Variants in NFAT5 observed in about 807,000 individuals in gnomAD.
NFAT5 encodes nuclear factor of activated T-cells 5.
In NFAT5, 31 loss-of-function variants were observed where a neutral mutation model predicts 166.5. That is an observed-to-expected ratio of 0.19 (90% CI 0.14 to 0.25). NFAT5 has a LOEUF of 0.25. Among genes scored for constraint, NFAT5 ranks in the 10% least tolerant of loss-of-function variants. The pLI is 1.00. For missense variants in NFAT5, 1,449 were observed against 1,821.8 expected (o/e 0.80, Z 3.72); for synonymous variants, 612 against 639.7 (o/e 0.96, Z 0.65).
At chr16:69,664,205 A>T (rs993726106) in intron 7 of NFAT5, among the ~76,000 whole-genome samples, 2 of 152,228 alleles carry the variant, frequency 1.3e-5, no homozygotes, top group African/African-American at 4.8e-5. Context: ...ACATTATTAC[A>T]AAGCTTTATT....
At position 69,693,084 on chromosome 16, in the gene NFAT5, G is replaced by T. The variant is rs1303798077; in HGVS notation, c.3259G>T (p.Ala1087Ser). Reference protein sequence around the residue: ...NFLQQSSHSQAQLFHPQNPIA... With the variant: ...NFLQQSSHSQSQLFHPQNPIA... ...TTTGCAGCAGTCTTCTCATTCACAG[G>T]CCCAACTTTTTCATCCTCAAAATCC... The change falls in exon 13 of 15, where the codon GCC becomes TCC. Residue 1087 changes from alanine to serine, a missense_variant. By Grantham distance (99) the Ala-to-Ser change is moderately conservative. Around this residue, in one of 7 missense-constraint regions of NFAT5, gnomAD observed 891 missense variants for 993.0 expected, o/e 0.90. Coordinates refer to ENST00000349945, the MANE Select transcript of NFAT5 (RefSeq NM_138713.4). 7 of 1,613,968 alleles carry T rather than the reference G, an allele frequency of 4.3e-6. No individual in the cohort carries two copies. The highest frequency in any genetic ancestry group is 5.9e-6 in the Non-Finnish European group (7 of 1,180,018).
Position 69,702,802 on chromosome 16 carries a change from C to G in NFAT5, c.*6451C>G, listed in dbSNP as rs1319578879. ...TGTTCTTCATGTAAATTCAGCTTAA[C>G]CTGGTTATCTATAATCTTTTATTGG... On this transcript the variant is annotated 3_prime_UTR_variant, in exon 15 of 15. Transcript: ENST00000349945. 1 of 152,600 alleles carries G rather than the reference C, an allele frequency of 6.6e-6. No individual in the cohort carries two copies. The highest frequency in any genetic ancestry group is 2.4e-5 in the African/African-American group (1 of 41,438). The allele number at this position is 152,600 out of a possible 1,614,324, so 9.5% of individuals were successfully genotyped here.
chr16:69,670,236 A>T lies in NFAT5; in HGVS notation c.1505A>T (p.Asp502Val). ...ATAAATCACTTTTTATTTCAATCAGATGAAAACTCTTGGAAGTCAGAAGCT... is the reference window on the plus strand; with the variant it reads ...ATAAATCACTTTTTATTTCAATCAGTTGAAAACTCTTGGAAGTCAGAAGCT... ...TKVIFQENVS[D>V]ENSWKSEAEI... Residue 502 changes from aspartate (D) to valine (V), a missense_variant and splice_region_variant, in exon 9 of 15, where the codon GAT becomes GTT. Asp to Val is a radical substitution (Grantham distance 152). Transcript: ENST00000349945. 1.3e-6 allele frequency: 2 copies of T among 1,589,786 alleles called. No individual in the cohort carries two copies. Among genetic ancestry groups the T allele is most frequent in the Non-Finnish European group, 1.7e-6 (2 of 1,168,858 alleles).
chr16:69,691,151 A>G, intron 12 of NFAT5, 63 bp downstream of exon 12: 4 of 1,364,786 alleles, frequency 2.9e-6, no homozygotes, highest in Non-Finnish European at 3.9e-6. Flanking sequence ...TACTTTTCCT[A>G]TTTTTTTAAC....
At chr16:69,617,372 G>C (rs535761381) in intron 2 of NFAT5, among the ~76,000 whole-genome samples, 68 of 152,218 alleles carry the variant, frequency 4.5e-4, no homozygotes, top group African/African-American at 1.5e-3. Flanking sequence ...TTCTAGGATA[G>C]ACTCAAGAAA....
chr16:69,638,747 A>AG (rs1304760874), intron 3 of NFAT5, among the ~76,000 whole-genome samples: 1 of 151,956 alleles, frequency 6.6e-6, no homozygotes, highest in African/African-American at 2.4e-5. Flanking sequence ...AAAAAAAAAA[A>AG]AAAAAAAGTA....
At chr16:69,691,724 A>G (rs1158847494) in intron 12 of NFAT5, 25 bp from the exon 13 acceptor site, 1 of 1,557,562 alleles carries the variant, frequency 6.4e-7, no homozygotes, top group East Asian at 2.2e-5. Context: ...TATATTCATA[A>G]TATTTGGGGA....
intron 2 of NFAT5, among the ~76,000 whole-genome samples, chr16:69,579,172 C>T (rs1597345310): frequency 6.6e-6 from 1 of 152,200 alleles, no homozygotes; most frequent in East Asian, 1.9e-4. Flanking sequence ...CTGCGCCTGG[C>T]CATAAGTTTT....
At chr16:69,608,620 C>T (rs909763441) in intron 2 of NFAT5, among the ~76,000 whole-genome samples, 1 of 150,066 alleles carries the variant, frequency 6.7e-6, no homozygotes, top group African/African-American at 2.5e-5. Context: ...AAATTATCTA[C>T]CACCATGTGA....
intron 3 of NFAT5, among the ~76,000 whole-genome samples, chr16:69,631,154 C>T (rs980181808): frequency 2.6e-5 from 4 of 152,120 alleles, no homozygotes; most frequent in Admixed American, 6.5e-5. Flanking sequence ...TAAACTAGGC[C>T]GGGTACACTG....
Position 69,678,794 on chromosome 16 carries a change from C to T in NFAT5, c.1690+1459C>T, listed in dbSNP as rs187972035. ...ATGTTATTTCCATATAGTTCAAGAT[C>T]CAGTGAGGTAGAAGGTAAAGAATGG... On this transcript the variant is annotated intron_variant, in intron 10 of 14. Transcript: ENST00000349945. Among the ~76,000 whole-genome samples, 121 of 152,224 alleles carry T rather than the reference C, an allele frequency of 7.9e-4. 1 individual carries two copies. The highest frequency in any genetic ancestry group is 2.7e-3 in the African/African-American group (112 of 41,534).
At chr16:69,670,161 A>C in intron 8 of NFAT5, 50 bp downstream of exon 8, 5 of 1,593,520 alleles carry the variant, frequency 3.1e-6, no homozygotes, top group Non-Finnish European at 4.3e-6. Context: ...TCACTTTGTT[A>C]TATGGATATA....
At chr16:69,649,024 G>A (rs924488128) in intron 4 of NFAT5, 1 of 926,712 alleles carries the variant, frequency 1.1e-6, no homozygotes, top group Middle Eastern at 5.5e-4. Flanking sequence ...GTTTTAGAAA[G>A]TCCAGTTTAG....
In NFAT5 at chr16:69,648,523, GGT is replaced by G. The variant is rs1045393830; in HGVS notation, c.812+938_812+939del. On this transcript the variant is annotated intron_variant, in intron 4 of 14. Coordinates refer to ENST00000349945, the MANE Select transcript of NFAT5 (RefSeq NM_138713.4). ...TTAGAGGGTGATGAAACAGGATCATGGTACATGTTTGAGTTTTCTTTCATCTC... is the reference window on the plus strand; with the variant it reads ...TTAGAGGGTGATGAAACAGGATCATGACATGTTTGAGTTTTCTTTCATCTC... 5.1e-6 allele frequency: 5 copies of G among 984,572 alleles called. No homozygotes were observed. In the African/African-American group the frequency reaches 8.8e-5, roughly 17 times the overall value. The allele number at this position is 984,572 out of a possible 1,614,324, so 61.0% of individuals were successfully genotyped here. A position where few individuals can be genotyped will look rare whatever the true frequency, so the allele number is the denominator to read the frequency against.
chr16:69,581,279 T>G (rs1048362206), intron 2 of NFAT5, among the ~76,000 whole-genome samples: 4 of 152,216 alleles, frequency 2.6e-5, no homozygotes, highest in Non-Finnish European at 5.9e-5. Context: ...CGAGTTCCTT[T>G]TTATTGCAGA....
intron 10 of NFAT5, among the ~76,000 whole-genome samples, chr16:69,678,990 G>T (rs1055454550): frequency 2.0e-5 from 3 of 152,078 alleles, no homozygotes; most frequent in African/African-American, 4.8e-5. Context: ...CTGGGGTGCA[G>T]TAGCGTGATC....
At chr16:69,672,076 G>A (rs1426940512) in intron 9 of NFAT5, among the ~76,000 whole-genome samples, 1 of 152,240 alleles carries the variant, frequency 6.6e-6, no homozygotes, top group African/African-American at 2.4e-5. Flanking sequence ...CTAGCAGCCA[G>A]AGGTAAAGAC....
At chr16:69,616,793 A>G (rs2033965827) in intron 2 of NFAT5, among the ~76,000 whole-genome samples, 1 of 151,138 alleles carries the variant, frequency 6.6e-6, no homozygotes, top group Non-Finnish European at 1.5e-5. Context: ...CCACTCATTT[A>G]TGTCCTCCTC....
Position 69,692,503 on chromosome 16 carries a change from C to A in NFAT5, c.2678C>A (p.Thr893Lys), listed in dbSNP as rs149255851. The A allele has an allele frequency of 7.4e-5, 119 of 1,614,026 alleles. No individual in the cohort carries two copies. Among genetic ancestry groups the A allele is most frequent in the Non-Finnish European group, 1.0e-4 (118 of 1,180,048 alleles). ...AESVHPQSENTLSNQQQQQQQ... is the reference protein window; with the variant it reads ...AESVHPQSENKLSNQQQQQQQ... ...AGTGTTCATCCACAGTCTGAAAACACGTTATCTAATCAACAGCAGCAGCAG... is the reference window on the plus strand; with the variant it reads ...AGTGTTCATCCACAGTCTGAAAACAAGTTATCTAATCAACAGCAGCAGCAG... Residue 893 changes from threonine (T) to lysine (K), a missense_variant, in exon 13 of 15, where the codon ACG becomes AAG. Transcript: ENST00000349945.
Sources: allele counts gnomAD v4.1 joint callset (sites outside exome capture counted in the v4.1 genomes callset), GRCh38; gene constraint gnomAD v4.1.1; regional missense constraint gnomAD v4.1.1; transcripts MANE v1.5; gene names NCBI Gene and HGNC (gene_info 2026-07-23, HGNC 2026-07-21).